RTCB: variants seen among roughly 807,000 people sequenced by gnomAD.
The protein encoded by RTCB is RNA-splicing ligase RTCB.
Under a neutral mutation model 58.2 loss-of-function variants are expected in RTCB, and 32 were observed. That is an observed-to-expected ratio of 0.55 (90% CI 0.41 to 0.74). The LOEUF is 0.74. Among genes scored for constraint, RTCB ranks in the 30% least tolerant of loss-of-function variants. RTCB has a pLI of 0.00. For missense variants in RTCB, 523 were observed against 639.0 expected (o/e 0.82, Z 1.96); for synonymous variants, 247 against 218.6 (o/e 1.13, Z -1.15).
rs1297867453 is a variant in RTCB, at chr22:32,401,776, C to A, written c.468G>T (p.Gly156=). 1.9e-6 allele frequency: 3 copies of A among 1,613,924 alleles called. No individual in the cohort carries two copies. In the African/African-American group the frequency reaches 4.0e-5, roughly 22 times the overall value. The change falls in exon 5 of 12, where the codon GGG becomes GGT. Residue 156 remains glycine, a synonymous_variant. Coordinates refer to ENST00000216038, the MANE Select transcript of RTCB (RefSeq NM_014306.5). The part of the protein sequence containing the change: ...AMFDHIPVGV[G]SKGVIPMNAK... ...CATTCATTGGGATGACACCTTTTGA[C>A]CCCACCCCAACAGGAATGTGGTCAA...
intron 1 of RTCB, among the ~76,000 whole-genome samples, chr22:32,410,578 T>C (rs552654741): frequency 3.9e-5 from 6 of 152,310 alleles, no homozygotes; most frequent in Admixed American, 2.6e-4. Flanking sequence ...AAACCAGAAC[T>C]GCCTAGCAAA....
chr22:32,411,474 G>A (rs543666802), intron 1 of RTCB, among the ~76,000 whole-genome samples: 1 of 152,256 alleles, frequency 6.6e-6, no homozygotes, highest in South Asian at 2.1e-4. Context: ...TAGGTGGGTA[G>A]AGGAAGCTAT....
At chr22:32,399,477 A>AT in intron 6 of RTCB, 126 bp downstream of exon 6, 1 of 916,466 alleles carries the variant, frequency 1.1e-6, no homozygotes, top group Non-Finnish European at 1.6e-6. Context: ...ACAAATTTGT[A>AT]TTTTTTGATA....
intron 4 of RTCB, 29 bp downstream of exon 4, chr22:32,406,633 T>G: frequency 6.6e-7 from 1 of 1,522,416 alleles, no homozygotes; most frequent in South Asian, 1.1e-5. Context: ...TGCTACACAC[T>G]TAACAGCAGA....
chr22:32,389,882 G>A (rs1263808453), intron 11 of RTCB, among the ~76,000 whole-genome samples: 1 of 151,994 alleles, frequency 6.6e-6, no homozygotes, highest in African/African-American at 2.4e-5. Context: ...ATGCTCTGGC[G>A]CCCCCTACCT....
intron 4 of RTCB, 80 bp from the exon 5 acceptor site, chr22:32,401,983 T>C: frequency 1.5e-6 from 2 of 1,350,748 alleles, no homozygotes; most frequent in Non-Finnish European, 2.1e-6. Flanking sequence ...TATGGAACTA[T>C]AAAGATACCC....
chr22:32,392,862 T>C (rs1933178914), intron 10 of RTCB, among the ~76,000 whole-genome samples: 1 of 152,140 alleles, frequency 6.6e-6, no homozygotes, highest in South Asian at 2.1e-4. Context: ...GGCTCAACAC[T>C]CTGGATGGCT....
At position 32,398,183 on chromosome 22, in the gene RTCB, AAACT is replaced by A. The variant is rs536420614; in HGVS notation, c.655-87_655-84del. On this transcript the variant is annotated intron_variant, in intron 6 of 11. Transcript: ENST00000216038. Reference sequence around the variant, plus strand: ...ATTTAAAAACCAAAAAGATAAAAACAAACTAACAACAAAATAAACATACAAATAG... The same window carrying A: ...ATTTAAAAACCAAAAAGATAAAAACAAACAACAAAATAAACATACAAATAG... The A allele has an allele frequency of 2.1e-3, 2,987 of 1,446,778 alleles. 9 individuals carry two copies. Among genetic ancestry groups the A allele is most frequent in the South Asian group, 2.1e-3 (171 of 80,288 alleles). The allele number at this position is 1,446,778 out of a possible 1,614,324, so 89.6% of individuals were successfully genotyped here.
intron 11 of RTCB, among the ~76,000 whole-genome samples, chr22:32,390,129 T>C (rs2145888081): frequency 6.6e-6 from 1 of 152,326 alleles, no homozygotes; most frequent in South Asian, 2.1e-4. Flanking sequence ...CCTTCCCACC[T>C]TTCCTTACCA....
At position 32,387,743 on chromosome 22, in the gene RTCB, TG is replaced by T. The variant is rs1654295883; in HGVS notation, c.*248del. 1 of 419,692 alleles carries T rather than the reference TG, an allele frequency of 2.4e-6. No homozygotes were observed. Among genetic ancestry groups the T allele is most frequent in the African/African-American group, 2.0e-5 (1 of 50,574 alleles). The allele number at this position is 419,692 out of a possible 1,614,324, so 26.0% of individuals were successfully genotyped here. A position where few individuals can be genotyped will look rare whatever the true frequency, so the allele number is the denominator to read the frequency against. On this transcript the variant is annotated 3_prime_UTR_variant, in exon 12 of 12. Coordinates refer to ENST00000216038, the MANE Select transcript of RTCB (RefSeq NM_014306.5). ...CCTAACAGATTTTCCTAAAACTCTG[TG>T]GAACAACCAAGGAGAAGGCATATTC...
At chr22:32,393,165 G>A (rs1017156814) in intron 10 of RTCB, among the ~76,000 whole-genome samples, 2 of 152,170 alleles carry the variant, frequency 1.3e-5, no homozygotes, top group African/African-American at 4.8e-5. Context: ...TGAATTCCCG[G>A]CTTCAAGTGC....
intron 5 of RTCB, chr22:32,400,068 C>T: frequency 4.6e-6 from 1 of 219,402 alleles, no homozygotes; most frequent in Non-Finnish European, 8.9e-6. Context: ...ATCCTGAATT[C>T]CATGAGGTAG....
At chr22:32,393,341 C>A (rs554389645) in intron 10 of RTCB, among the ~76,000 whole-genome samples, 5 of 152,138 alleles carry the variant, frequency 3.3e-5, no homozygotes, top group African/African-American at 1.2e-4. Flanking sequence ...ACCATCTGGT[C>A]CCAAAAGCCT....
At chr22:32,407,067 A>T (rs1933438135) in intron 3 of RTCB, among the ~76,000 whole-genome samples, 1 of 152,264 alleles carries the variant, frequency 6.6e-6, no homozygotes, top group South Asian at 2.1e-4. Context: ...ATTACATTTT[A>T]AAAATAATCT....
At chr22:32,409,202 A>AG (rs1460330652) in intron 1 of RTCB, among the ~76,000 whole-genome samples, 1 of 15,812 alleles carries the variant, frequency 6.3e-5, no homozygotes, top group Non-Finnish European at 1.3e-4. Context: ...TTTGAAAATT[A>AG]AAAAAAAAAA....
At chr22:32,403,207 A>C (rs2145895862) in intron 4 of RTCB, among the ~76,000 whole-genome samples, 1 of 152,168 alleles carries the variant, frequency 6.6e-6, no homozygotes, top group East Asian at 1.9e-4. Flanking sequence ...GAGATCGAGA[A>C]CATCCTGGCT....
chr22:32,397,123 GAAGC>G (rs1601426501), intron 7 of RTCB, among the ~76,000 whole-genome samples: 1 of 148,196 alleles, frequency 6.7e-6, no homozygotes, highest in Admixed American at 6.6e-5. Context: ...AAGCTCACTA[GAAGC>G]AAGAAGCCCC....
chr22:32,410,699 T>C (rs1023352233), intron 1 of RTCB, among the ~76,000 whole-genome samples: 5 of 149,582 alleles, frequency 3.3e-5, no homozygotes, highest in African/African-American at 1.2e-4. Context: ...GATAATCATG[T>C]CATGGTGTTT....
intron 10 of RTCB, 119 bp from the exon 11 acceptor site, chr22:32,392,478 T>C (rs1302605503): frequency 7.7e-7 from 1 of 1,296,486 alleles, no homozygotes; most frequent in African/African-American, 1.5e-5. Flanking sequence ...ATCGAATTGG[T>C]AACAGGCCTT....
Sources: gnomAD v4.1 joint callset for allele counts (sites outside exome capture counted in the v4.1 genomes callset) on GRCh38, gnomAD v4.1.1 for gene constraint, MANE v1.5 for transcripts, NCBI Gene and HGNC (gene_info 2026-07-23, HGNC 2026-07-21) for gene names.